PLXDC2: variants seen among roughly 807,000 people sequenced by gnomAD.
PLXDC2 encodes the protein plexin domain-containing protein 2.
PLXDC2 carries 40 observed loss-of-function variants against 68.9 expected under a neutral mutation model. The ratio of observed to expected loss-of-function variants is 0.58; its 90% CI spans 0.45 to 0.76. The LOEUF (loss-of-function observed/expected upper bound fraction) is 0.76. Ranked by LOEUF, PLXDC2 falls within the 30% of genes least tolerant of loss-of-function variation. The pLI, the probability that PLXDC2 is intolerant of heterozygous loss-of-function variation, is 0.00. For missense variants in PLXDC2, 644 were observed against 661.9 expected (o/e 0.97, Z 0.30); for synonymous variants, 243 against 234.2 (o/e 1.04, Z -0.34).
At chr10:20,196,923 T>C (rs991789437) in intron 9 of PLXDC2, among the ~76,000 whole-genome samples, 5 of 152,182 alleles carry the variant, frequency 3.3e-5, no homozygotes, top group African/African-American at 4.8e-5. Flanking sequence ...AATTGTTAAT[T>C]CACGGCTAGA....
Position 20,213,590 on chromosome 10 carries a change from G to A in PLXDC2, c.1122+1861G>A, listed in dbSNP as rs189302930. On this transcript the variant is annotated intron_variant, in intron 10 of 13. Transcript: ENST00000377252. ...CAATACATCTTACTAACATTTTATTGGAAATACATTAAATTATGAATTAGA... is the reference window on the plus strand; with the variant it reads ...CAATACATCTTACTAACATTTTATTAGAAATACATTAAATTATGAATTAGA... Among the ~76,000 whole-genome samples, 18 of 151,934 alleles carry A rather than the reference G, an allele frequency of 1.2e-4. No homozygotes were observed. The East Asian group carries it at 2.9e-3, about 24-fold the overall frequency.
chr10:19,917,904 A>G (rs1833397623), intron 1 of PLXDC2, among the ~76,000 whole-genome samples: 1 of 152,212 alleles, frequency 6.6e-6, no homozygotes, highest in Non-Finnish European at 1.5e-5. Context: ...ATGTTAAGGC[A>G]GTGAACCTAT....
At chr10:19,974,039 A>G (rs1437975958) in intron 1 of PLXDC2, among the ~76,000 whole-genome samples, 1 of 152,230 alleles carries the variant, frequency 6.6e-6, no homozygotes, top group African/African-American at 2.4e-5. Context: ...TATTTTATGT[A>G]TACCATGTTT....
chr10:20,189,862 C>A (rs1459737013), intron 9 of PLXDC2, among the ~76,000 whole-genome samples: 1 of 151,540 alleles, frequency 6.6e-6, no homozygotes, highest in Non-Finnish European at 1.5e-5. Flanking sequence ...AGTCATCTAC[C>A]AGTCTTTAAT....
At chr10:19,850,271 C>CTGAT (rs1012268373) in intron 1 of PLXDC2, among the ~76,000 whole-genome samples, 1 of 140,184 alleles carries the variant, frequency 7.1e-6, no homozygotes, top group Non-Finnish European at 1.5e-5. Context: ...ACCTGCCTAA[C>CTGAT]TGATAGGTTT....
intron 9 of PLXDC2, among the ~76,000 whole-genome samples, chr10:20,183,822 C>T (rs1426186960): frequency 4.0e-5 from 6 of 151,872 alleles, no homozygotes; most frequent in Admixed American, 2.0e-4. Context: ...AACCAAATTG[C>T]TATAGAGAGA....
At chr10:20,036,284 G>A (rs920465437) in intron 2 of PLXDC2, among the ~76,000 whole-genome samples, 6 of 152,124 alleles carry the variant, frequency 3.9e-5, no homozygotes, top group Admixed American at 2.6e-4. Context: ...TTAGATTTGT[G>A]TTCCTATAAG....
chr10:20,137,471 A>G (rs1833948802), intron 4 of PLXDC2, among the ~76,000 whole-genome samples: 1 of 152,212 alleles, frequency 6.6e-6, no homozygotes, highest in East Asian at 1.9e-4. Flanking sequence ...TATGAATTGC[A>G]ATAGAGGAAT....
At chr10:19,884,746 C>G (rs1837809436) in intron 1 of PLXDC2, among the ~76,000 whole-genome samples, 1 of 152,128 alleles carries the variant, frequency 6.6e-6, no homozygotes, top group Non-Finnish European at 1.5e-5. Flanking sequence ...TTAATCAAGT[C>G]TATCGTTGTT....
chr10:19,960,965 A>G (rs114344003), intron 1 of PLXDC2, among the ~76,000 whole-genome samples: 7,947 of 152,290 alleles, frequency 0.052, 270 homozygotes, highest in Middle Eastern at 0.092. Flanking sequence ...AGCAGCAGTA[A>G]GTTACTTTCC....
chr10:20,199,739 T>C (rs1468498019), intron 9 of PLXDC2, among the ~76,000 whole-genome samples: 5 of 151,940 alleles, frequency 3.3e-5, no homozygotes, highest in Non-Finnish European at 7.4e-5. Flanking sequence ...AGCACTATTA[T>C]TTGGAACGTT....
chr10:19,942,798 G>A (rs560744811), intron 1 of PLXDC2, among the ~76,000 whole-genome samples: 14 of 152,116 alleles, frequency 9.2e-5, no homozygotes, highest in African/African-American at 3.4e-4. Context: ...CCAAAAAACC[G>A]AAACAAATAA....
intron 1 of PLXDC2, among the ~76,000 whole-genome samples, chr10:19,822,959 A>G (rs1836498449): frequency 6.6e-6 from 1 of 151,718 alleles, no homozygotes; most frequent in Admixed American, 6.6e-5. Flanking sequence ...TGTTTCTCCC[A>G]GTCTGGAGTG....
At chr10:20,231,710 T>C (rs1035665396) in intron 12 of PLXDC2, among the ~76,000 whole-genome samples, 30 of 151,978 alleles carry the variant, frequency 2.0e-4, no homozygotes, top group African/African-American at 7.2e-4. Context: ...TTAAAAATTA[T>C]AAACATCAAA....
At chr10:20,264,475 T>TA (rs1835846673) in intron 13 of PLXDC2, among the ~76,000 whole-genome samples, 1 of 152,106 alleles carries the variant, frequency 6.6e-6, no homozygotes, top group African/African-American at 2.4e-5. Context: ...AAAAATTTTT[T>TA]AAAAAATCTA....
Position 19,895,816 on chromosome 10 carries a change from A to C in PLXDC2, c.112+78625A>C, listed in dbSNP as rs1838047476. Among the ~76,000 whole-genome samples the C allele has an allele frequency of 1.3e-5, 2 of 152,124 alleles. 1 individual carries two copies. The highest frequency in any genetic ancestry group is 4.2e-4 in the South Asian group (2 of 4,818). Reference sequence around the variant, plus strand: ...GTGCCTGTAATCCCAGCACTGTAGGAGGCTGAGGCTGGTGGATTGATTGAG... The same window carrying C: ...GTGCCTGTAATCCCAGCACTGTAGGCGGCTGAGGCTGGTGGATTGATTGAG... On this transcript the variant is annotated intron_variant, in intron 1 of 13. Transcript: ENST00000377252.
intron 2 of PLXDC2, among the ~76,000 whole-genome samples, chr10:20,037,689 T>A (rs909849775): frequency 6.6e-6 from 1 of 152,134 alleles, no homozygotes; most frequent in African/African-American, 2.4e-5. Flanking sequence ...AGGCAAGCAC[T>A]TAACTGAGCT....
chr10:20,282,739 G>A lies in PLXDC2; in HGVS notation c.*2920G>A, dbSNP rs938438192. Reference sequence around the variant, plus strand: ...CATAAATGGCTTAAGCCCAAGAGATGGCACTGACCATAAATGGTGGCTTGT... The same window carrying A: ...CATAAATGGCTTAAGCCCAAGAGATAGCACTGACCATAAATGGTGGCTTGT... On this transcript the variant is annotated 3_prime_UTR_variant, in exon 14 of 14. Transcript: ENST00000377252. 7.9e-5 allele frequency: 12 copies of A among 152,098 alleles called. No individual in the cohort carries two copies. Among genetic ancestry groups the A allele is most frequent in the Non-Finnish European group, 1.5e-4 (10 of 68,016 alleles). The allele number at this position is 152,098 out of a possible 1,614,324, so 9.4% of individuals were successfully genotyped here.
At chr10:20,174,429 A>G (rs1347144783) in intron 7 of PLXDC2, among the ~76,000 whole-genome samples, 1 of 152,150 alleles carries the variant, frequency 6.6e-6, no homozygotes, top group Non-Finnish European at 1.5e-5. Flanking sequence ...TCTTTCAGTT[A>G]TACCAAAATT....
Sources: allele counts gnomAD v4.1 joint callset (sites outside exome capture counted in the v4.1 genomes callset), GRCh38; gene constraint gnomAD v4.1.1; transcripts MANE v1.5; gene names NCBI Gene and HGNC (gene_info 2026-07-23, HGNC 2026-07-21).